PTPRT: variants seen among roughly 807,000 people sequenced by gnomAD.
The protein encoded by PTPRT is receptor-type tyrosine-protein phosphatase T.
In PTPRT, 56 loss-of-function variants were observed where a neutral mutation model predicts 176.8. That is an observed-to-expected ratio of 0.32 (90% confidence interval 0.26 to 0.40). The LOEUF (loss-of-function observed/expected upper bound fraction) is 0.40. Among genes scored for constraint, PTPRT ranks in the 10% least tolerant of loss-of-function variants. PTPRT has a pLI of 1.00. For missense variants in PTPRT, 1,540 were observed against 1,908.2 expected (o/e 0.81, Z 3.60); for synonymous variants, 783 against 739.0 (o/e 1.06, Z -0.96).
intron 8 of PTPRT, among the ~76,000 whole-genome samples, chr20:42,462,362 A>G (rs762593198): frequency 1.4e-4 from 22 of 152,168 alleles, no homozygotes; most frequent in Non-Finnish European, 2.6e-4. Context: ...TGGTTAGCGC[A>G]GTGGTGTGCA....
chr20:42,632,806 G>A (rs1307181382), intron 7 of PTPRT, among the ~76,000 whole-genome samples: 1 of 151,818 alleles, frequency 6.6e-6, no homozygotes, highest in Non-Finnish European at 1.5e-5. Context: ...ATGGTCTCAG[G>A]GACCCCTGAC....
At chr20:42,854,029 C>T (rs143565104) in intron 2 of PTPRT, among the ~76,000 whole-genome samples, 91 of 152,264 alleles carry the variant, frequency 6.0e-4, no homozygotes, top group African/African-American at 2.1e-3. Flanking sequence ...CTTTCCAACC[C>T]ACCAAATCAA....
chr20:43,021,633 C>T (rs1374796141), intron 1 of PTPRT, among the ~76,000 whole-genome samples: 2 of 152,038 alleles, frequency 1.3e-5, no homozygotes, highest in African/African-American at 2.4e-5. Flanking sequence ...TGGCCAGAGT[C>T]CTTTCCAACC....
intron 19 of PTPRT, among the ~76,000 whole-genome samples, chr20:42,127,282 AG>A (rs1440869218): frequency 2.0e-5 from 3 of 152,136 alleles, no homozygotes; most frequent in Non-Finnish European, 4.4e-5. Context: ...GGAAAGATGG[AG>A]CCACAGACAG....
At chr20:42,198,551 C>T (rs898352224) in intron 16 of PTPRT, among the ~76,000 whole-genome samples, 4 of 152,136 alleles carry the variant, frequency 2.6e-5, no homozygotes, top group African/African-American at 4.8e-5. Flanking sequence ...CAAGTCTGTC[C>T]ACAAGGAAGC....
chr20:42,330,800 CA>C (rs1392632707), intron 11 of PTPRT, among the ~76,000 whole-genome samples: 2 of 152,162 alleles, frequency 1.3e-5, no homozygotes, highest in African/African-American at 4.8e-5. Context: ...GAAGCAAGAA[CA>C]AGCAGAATGC....
intron 15 of PTPRT, among the ~76,000 whole-genome samples, chr20:42,226,793 G>A (rs1179978255): frequency 1.3e-5 from 2 of 152,034 alleles, no homozygotes; most frequent in African/African-American, 4.8e-5. Context: ...CAGCAAAAGG[G>A]TATTGCTACG....
At chr20:42,192,970 G>A (rs1028627435) in intron 16 of PTPRT, among the ~76,000 whole-genome samples, 5 of 152,138 alleles carry the variant, frequency 3.3e-5, no homozygotes, top group African/African-American at 4.8e-5. Context: ...AAGAAGCACT[G>A]TTCTCCCAGC....
intron 7 of PTPRT, among the ~76,000 whole-genome samples, chr20:42,522,825 T>C (rs2072200825): frequency 6.6e-6 from 1 of 152,168 alleles, no homozygotes; most frequent in Non-Finnish European, 1.5e-5. Context: ...TTCCCATTTA[T>C]ATGAAATTGG....
intron 17 of PTPRT, among the ~76,000 whole-genome samples, chr20:42,146,330 C>G (rs1014837798): frequency 3.3e-5 from 5 of 152,286 alleles, no homozygotes; most frequent in Admixed American, 6.5e-5. Flanking sequence ...CAAACATGTC[C>G]CCCTGAAAGT....
chr20:42,517,142 C>A (rs1016388340), intron 7 of PTPRT, among the ~76,000 whole-genome samples: 1 of 151,908 alleles, frequency 6.6e-6, no homozygotes, highest in Admixed American at 6.6e-5. Context: ...GTAAAACTTG[C>A]CTATTAAATC....
intron 7 of PTPRT, among the ~76,000 whole-genome samples, chr20:42,524,821 G>T (rs2072240973): frequency 6.6e-6 from 1 of 150,702 alleles, no homozygotes; most frequent in African/African-American, 2.4e-5. Context: ...TCTCTTCTTG[G>T]CTACAATGAG....
intron 9 of PTPRT, among the ~76,000 whole-genome samples, chr20:42,384,143 A>G (rs1356047311): frequency 6.6e-6 from 1 of 152,214 alleles, no homozygotes; most frequent in Non-Finnish European, 1.5e-5. Flanking sequence ...CATCCATCAA[A>G]TGCATATGGA....
intron 17 of PTPRT, among the ~76,000 whole-genome samples, chr20:42,154,469 G>T (rs1335234539): frequency 6.6e-6 from 1 of 152,212 alleles, no homozygotes; most frequent in Non-Finnish European, 1.5e-5. Context: ...CATACATATG[G>T]TGTGTCCGTC....
chr20:42,876,353 GGAA>G (rs558367399), intron 2 of PTPRT, among the ~76,000 whole-genome samples: 97 of 152,282 alleles, frequency 6.4e-4, no homozygotes, highest in Admixed American at 1.1e-3. Flanking sequence ...TCACATTAAA[GGAA>G]GAGTAGGTCA....
intron 1 of PTPRT, among the ~76,000 whole-genome samples, chr20:43,058,007 G>A (rs1172831841): frequency 6.6e-6 from 1 of 152,188 alleles, no homozygotes; most frequent in Admixed American, 6.5e-5. Flanking sequence ...AAGGGGAACA[G>A]GCAAGGAAGG....
At chr20:42,356,653 G>A (rs908700436) in intron 9 of PTPRT, among the ~76,000 whole-genome samples, 5 of 152,116 alleles carry the variant, frequency 3.3e-5, no homozygotes, top group East Asian at 1.9e-4. Context: ...CAGAGATGGC[G>A]CTACTGCACT....
chr20:42,867,168 C>T (rs2078760163), intron 2 of PTPRT, among the ~76,000 whole-genome samples: 1 of 152,150 alleles, frequency 6.6e-6, no homozygotes, highest in Non-Finnish European at 1.5e-5. Flanking sequence ...CATTGTTGTA[C>T]AAGGTGCTTT....
At chr20:42,633,961 TA>T (rs1372078714) in intron 7 of PTPRT, among the ~76,000 whole-genome samples, 393 of 18,132 alleles carry the variant, frequency 0.022, 9 homozygotes, top group Middle Eastern at 0.05. Flanking sequence ...TAATTATATA[TA>T]ATATATTATA....
Sources: gnomAD v4.1 joint callset for allele counts (sites outside exome capture counted in the v4.1 genomes callset) on GRCh38, gnomAD v4.1.1 for gene constraint, MANE v1.5 for transcripts, NCBI Gene and HGNC (gene_info 2026-07-23, HGNC 2026-07-21) for gene names.